The following KIAA1217 variants were observed in gnomAD, a reference collection of about 807,000 sequenced individuals.
The protein encoded by KIAA1217 is KIAA1217.
KIAA1217 carries 88 observed loss-of-function variants against 163.9 expected under a neutral mutation model. The observed-to-expected ratio is 0.54, with a 90% CI of 0.45 to 0.64. The LOEUF (loss-of-function observed/expected upper bound fraction) is 0.64, where lower values mean the gene tolerates loss of function less well. Ranked by LOEUF, KIAA1217 falls within the 30% of genes least tolerant of loss-of-function variation. The pLI, the probability that KIAA1217 is intolerant of heterozygous loss-of-function variation, is 0.00. For missense variants in KIAA1217, 2,372 were observed against 2,475.0 expected, an observed-to-expected ratio of 0.96 and a Z score of 0.88; for synonymous variants, 903 against 923.1, an observed-to-expected ratio of 0.98 and a Z score of 0.39.
At chr10:23,897,703 A>T (rs984932180) in intron 1 of KIAA1217, among the ~76,000 whole-genome samples, 7 of 152,046 alleles carry the variant, frequency 4.6e-5, no homozygotes, top group African/African-American at 1.7e-4. Flanking sequence ...CCTTCATTGA[A>T]CACTGAATGA....
At chr10:23,987,235 G>A (rs892911359) in intron 1 of KIAA1217, among the ~76,000 whole-genome samples, 1 of 151,688 alleles carries the variant, frequency 6.6e-6, no homozygotes, top group Non-Finnish European at 1.5e-5. Context: ...AAATTAGCCG[G>A]GTGTGGTGGT....
intron 5 of KIAA1217, among the ~76,000 whole-genome samples, chr10:24,454,836 G>A (rs1185353524): frequency 6.6e-6 from 1 of 150,686 alleles, no homozygotes; most frequent in Non-Finnish European, 1.5e-5. Flanking sequence ...CTAAAAATAT[G>A]TTTTCTAGCA....
intron 5 of KIAA1217, among the ~76,000 whole-genome samples, chr10:24,441,760 C>T (rs1266556898): frequency 6.6e-6 from 1 of 152,164 alleles, no homozygotes; most frequent in African/African-American, 2.4e-5. Flanking sequence ...GGACTGAGCT[C>T]ACCATATGGA....
At chr10:24,466,440 C>G in intron 5 of KIAA1217, 3 of 748,482 alleles carry the variant, frequency 4.0e-6, no homozygotes, top group Non-Finnish European at 4.9e-6. Context: ...CGTGAGGTAG[C>G]CTGTGGTTGG....
intron 1 of KIAA1217, among the ~76,000 whole-genome samples, chr10:23,933,584 C>T (rs1394191305): frequency 1.3e-5 from 2 of 152,110 alleles, no homozygotes; most frequent in Non-Finnish European, 2.9e-5. Context: ...GCAAAAGAAA[C>T]TATCATCCAA....
intron 1 of KIAA1217, among the ~76,000 whole-genome samples, chr10:23,810,838 A>G (rs1483200446): frequency 8.1e-6 from 1 of 123,900 alleles, no homozygotes; most frequent in Non-Finnish European, 1.6e-5. Flanking sequence ...ACTATATATT[A>G]TATGGTATAT....
intron 1 of KIAA1217, among the ~76,000 whole-genome samples, chr10:23,984,418 C>T (rs531260219): frequency 6.6e-6 from 1 of 152,254 alleles, no homozygotes; most frequent in South Asian, 2.1e-4. Flanking sequence ...GGTATATACC[C>T]AGTAATGGGA....
chr10:23,887,114 T>C (rs894569049), intron 1 of KIAA1217, among the ~76,000 whole-genome samples: 1 of 151,974 alleles, frequency 6.6e-6, no homozygotes, highest in African/African-American at 2.4e-5. Flanking sequence ...CTGGCTTTCT[T>C]ATCTTTGGAA....
chr10:24,000,545 G>A (rs1353834184), intron 1 of KIAA1217, among the ~76,000 whole-genome samples: 1 of 152,152 alleles, frequency 6.6e-6, no homozygotes, highest in Non-Finnish European at 1.5e-5. Flanking sequence ...TGTCCTTATA[G>A]CAGTATGAGA....
intron 2 of KIAA1217, among the ~76,000 whole-genome samples, chr10:24,058,264 T>C (rs1372204618): frequency 6.6e-6 from 1 of 152,238 alleles, no homozygotes; most frequent in Non-Finnish European, 1.5e-5. Context: ...TGTCTGTCTT[T>C]ATGCCAGCAC....
intron 2 of KIAA1217, among the ~76,000 whole-genome samples, chr10:24,169,763 C>T (rs144304457): frequency 2.6e-5 from 4 of 152,196 alleles, no homozygotes; most frequent in Non-Finnish European, 4.4e-5. Context: ...AGATGAGCTC[C>T]TCTCCCAGTC....
chr10:24,331,892 C>G (rs375299981), intron 2 of KIAA1217, among the ~76,000 whole-genome samples: 1 of 152,122 alleles, frequency 6.6e-6, no homozygotes, highest in Non-Finnish European at 1.5e-5. Flanking sequence ...CTCTGCCTCC[C>G]GGGTTCAAGC....
intron 2 of KIAA1217, among the ~76,000 whole-genome samples, chr10:24,054,447 G>A (rs570900565): frequency 1.3e-5 from 2 of 152,266 alleles, no homozygotes; most frequent in South Asian, 2.1e-4. Flanking sequence ...AAGTAGCCCA[G>A]GACCCTGGGA....
At chr10:23,841,757 C>T (rs73604423) in intron 1 of KIAA1217, among the ~76,000 whole-genome samples, 3,167 of 152,092 alleles carry the variant, frequency 0.021, 116 homozygotes, top group African/African-American at 0.072. Context: ...GTTGAGGTGT[C>T]TCTCAGAATA....
chr10:24,281,766 A>G (rs2077954995), intron 2 of KIAA1217, among the ~76,000 whole-genome samples: 1 of 152,164 alleles, frequency 6.6e-6, no homozygotes, highest in African/African-American at 2.4e-5. Flanking sequence ...TCATATCAAG[A>G]GTAACAATAA....
chr10:24,509,075 T>C (rs1372160175), intron 9 of KIAA1217, among the ~76,000 whole-genome samples: 1 of 152,250 alleles, frequency 6.6e-6, no homozygotes, highest in Admixed American at 6.5e-5. Context: ...TGATTTTAAC[T>C]ATTGAAATGT....
At chr10:24,200,174 A>G (rs923206129) in intron 2 of KIAA1217, among the ~76,000 whole-genome samples, 5 of 146,596 alleles carry the variant, frequency 3.4e-5, no homozygotes, top group Non-Finnish European at 7.5e-5. Context: ...GTGTTGCCTC[A>G]TGGCTTTTGG....
intron 1 of KIAA1217, among the ~76,000 whole-genome samples, chr10:23,780,751 G>A (rs1307143737): frequency 1.3e-5 from 2 of 152,208 alleles, no homozygotes; most frequent in Non-Finnish European, 2.9e-5. Flanking sequence ...TGCCATCTCA[G>A]CTCACCGCAA....
chr10:24,199,609 C>T (rs1026610601), intron 2 of KIAA1217, among the ~76,000 whole-genome samples: 5 of 152,196 alleles, frequency 3.3e-5, no homozygotes, highest in Non-Finnish European at 5.9e-5. Context: ...ATTCAGCCTA[C>T]AGTTGACTGT....
Sources: allele counts gnomAD v4.1 joint callset (sites outside exome capture counted in the v4.1 genomes callset), GRCh38; gene constraint gnomAD v4.1.1; transcripts MANE v1.5; gene names NCBI Gene and HGNC (gene_info 2026-07-23, HGNC 2026-07-21).